GALNT10: variants seen among roughly 807,000 people sequenced by gnomAD.
GALNT10 encodes GalNAc transferase 10.
Under a neutral mutation model 75.0 loss-of-function variants are expected in GALNT10, and 41 were observed. The ratio of observed to expected loss-of-function variants is 0.55; its 90% CI spans 0.43 to 0.71. The LOEUF (loss-of-function observed/expected upper bound fraction) is 0.71, where lower values mean the gene tolerates loss of function less well. GALNT10 is among the 30% of genes least tolerant of loss of function. The pLI, the probability that GALNT10 is intolerant of heterozygous loss-of-function variation, is 0.00. For missense variants in GALNT10, 727 were observed against 818.5 expected (o/e 0.89, Z 1.36); for synonymous variants, 302 against 313.0 (o/e 0.96, Z 0.37).
chr5:154,193,459 A>G (rs914535261), intron 1 of GALNT10, among the ~76,000 whole-genome samples: 5 of 152,220 alleles, frequency 3.3e-5, no homozygotes, highest in Non-Finnish European at 7.3e-5. Flanking sequence ...ATCCCAGTGT[A>G]CTGGAACATA....
chr5:154,318,194 G>T (rs1754626259), intron 3 of GALNT10, among the ~76,000 whole-genome samples: 1 of 152,182 alleles, frequency 6.6e-6, no homozygotes, highest in African/African-American at 2.4e-5. Context: ...AGGAAAATCG[G>T]GTTGCTGCTA....
At chr5:154,266,433 A>T (rs1402685857) in intron 1 of GALNT10, among the ~76,000 whole-genome samples, 1 of 152,126 alleles carries the variant, frequency 6.6e-6, no homozygotes, top group East Asian at 1.9e-4. Flanking sequence ...TGGATTTCAC[A>T]TGCACTTGTA....
At chr5:154,206,227 C>T (rs865955576) in intron 1 of GALNT10, among the ~76,000 whole-genome samples, 10 of 152,174 alleles carry the variant, frequency 6.6e-5, no homozygotes, top group African/African-American at 2.4e-4. Context: ...AGCCACTCTG[C>T]TTATTAAGAG....
At chr5:154,377,924 GGTCA>G (rs890868503) in intron 5 of GALNT10, among the ~76,000 whole-genome samples, 1 of 152,108 alleles carries the variant, frequency 6.6e-6, no homozygotes, top group African/African-American at 2.4e-5. Flanking sequence ...CCATTTGTAG[GGTCA>G]TTCAGTGACT....
At chr5:154,337,431 A>G (rs1216498420) in intron 4 of GALNT10, 5 of 636,356 alleles carry the variant, frequency 7.9e-6, no homozygotes, top group Non-Finnish European at 1.4e-5. Flanking sequence ...TTCTCTGGCT[A>G]TCCTCTCCTG....
intron 3 of GALNT10, among the ~76,000 whole-genome samples, chr5:154,320,198 A>C (rs1007362007): frequency 6.6e-6 from 1 of 152,250 alleles, no homozygotes. Context: ...GATCAAAAAA[A>C]ATTTAAAAGA....
chr5:154,248,653 G>C (rs1048555905), intron 1 of GALNT10, among the ~76,000 whole-genome samples: 1 of 152,214 alleles, frequency 6.6e-6, no homozygotes, highest in Admixed American at 6.5e-5. Context: ...GATCAGTGGT[G>C]ATATCCCCTT....
At chr5:154,314,878 G>A (rs1376563190) in intron 3 of GALNT10, among the ~76,000 whole-genome samples, 2 of 151,916 alleles carry the variant, frequency 1.3e-5, no homozygotes, top group Non-Finnish European at 2.9e-5. Flanking sequence ...TGAAATTGCT[G>A]AAGAGTAATT....
intron 10 of GALNT10, 150 bp from the exon 11 acceptor site, chr5:154,415,633 T>C: frequency 1.3e-6 from 1 of 755,048 alleles, no homozygotes; most frequent in East Asian, 2.6e-5. Flanking sequence ...CCTGGCCAAG[T>C]TAGTAACTTT....
chr5:154,394,729 C>T (rs1264001309), intron 7 of GALNT10, among the ~76,000 whole-genome samples: 1 of 152,228 alleles, frequency 6.6e-6, no homozygotes, highest in African/African-American at 2.4e-5. Context: ...CCAGGGCCAC[C>T]ATCAGGCAAC....
intron 1 of GALNT10, among the ~76,000 whole-genome samples, chr5:154,210,017 A>G (rs1287517057): frequency 6.6e-6 from 1 of 152,118 alleles, no homozygotes; most frequent in Non-Finnish European, 1.5e-5. Flanking sequence ...TTTTAAAGTT[A>G]TTTAAAAAGC....
intron 1 of GALNT10, among the ~76,000 whole-genome samples, chr5:154,293,421 A>G (rs1754224769): frequency 6.6e-6 from 1 of 151,952 alleles, no homozygotes; most frequent in South Asian, 2.1e-4. Flanking sequence ...CTTTGACTTG[A>G]CTGTTGGCTT....
intron 1 of GALNT10, among the ~76,000 whole-genome samples, chr5:154,249,286 G>C (rs1276074693): frequency 2.0e-5 from 3 of 152,194 alleles, no homozygotes; most frequent in Admixed American, 2.0e-4. Context: ...TCTAGGAGAT[G>C]CTAATGCTGC....
intron 1 of GALNT10, among the ~76,000 whole-genome samples, chr5:154,215,490 C>CA (rs980124722): frequency 6.6e-6 from 1 of 152,002 alleles, no homozygotes; most frequent in Admixed American, 6.6e-5. Flanking sequence ...TCTCAAAAAA[C>CA]AAAAAACAAA....
At chr5:154,301,787 T>G (rs915245859) in intron 3 of GALNT10, among the ~76,000 whole-genome samples, 3 of 152,190 alleles carry the variant, frequency 2.0e-5, no homozygotes, top group African/African-American at 7.2e-5. Flanking sequence ...CTGAGAAGTG[T>G]CCACAGGCTC....
intron 1 of GALNT10, among the ~76,000 whole-genome samples, chr5:154,262,248 T>TGC (rs1407642918): frequency 7.1e-6 from 1 of 141,384 alleles, no homozygotes; most frequent in Non-Finnish European, 1.5e-5. Flanking sequence ...TTGATTTACC[T>TGC]GCCTGGCATC....
At chr5:154,218,452 GT>G (rs1255192834) in intron 1 of GALNT10, among the ~76,000 whole-genome samples, 1 of 152,118 alleles carries the variant, frequency 6.6e-6, no homozygotes, top group African/African-American at 2.4e-5. Flanking sequence ...CTGGGCCTTG[GT>G]TTCCTCTTCT....
chr5:154,331,031 C>T (rs1001376763), intron 4 of GALNT10, among the ~76,000 whole-genome samples: 7 of 151,932 alleles, frequency 4.6e-5, no homozygotes, highest in African/African-American at 7.3e-5. Context: ...CTACCCTTTA[C>T]GTTTCCTTCC....
chr5:154,192,164 T>C (rs2113636327), intron 1 of GALNT10, among the ~76,000 whole-genome samples: 1 of 152,338 alleles, frequency 6.6e-6, no homozygotes, highest in South Asian at 2.1e-4. Context: ...CTGAGATTGA[T>C]GGTTTTCCTT....
Sources: gnomAD v4.1 joint callset for allele counts (sites outside exome capture counted in the v4.1 genomes callset) on GRCh38, gnomAD v4.1.1 for gene constraint, MANE v1.5 for transcripts, NCBI Gene and HGNC (gene_info 2026-07-23, HGNC 2026-07-21) for gene names.